Variants in OCA2 observed in about 807,000 individuals in gnomAD.
OCA2 encodes P protein.
Under a neutral mutation model 100.2 loss-of-function variants are expected in OCA2, and 77 were observed. The ratio of observed to expected loss-of-function variants is 0.77; its 90% CI spans 0.64 to 0.93. The LOEUF (loss-of-function observed/expected upper bound fraction) is 0.93. Ranked by LOEUF, OCA2 falls within the 40% of genes least tolerant of loss-of-function variation. The pLI is 0.00. For synonymous variants in OCA2, 432 were observed against 439.2 expected (o/e 0.98, Z 0.21); for missense variants, 1,062 against 1,089.1 (o/e 0.98, Z 0.35).
intron 11 of OCA2, among the ~76,000 whole-genome samples, chr15:27,986,958 A>G (rs2041375499): frequency 6.6e-6 from 1 of 152,226 alleles, no homozygotes; most frequent in African/African-American, 2.4e-5. Context: ...TTTATAGACT[A>G]GAAAATGGGA....
intron 18 of OCA2, among the ~76,000 whole-genome samples, chr15:27,945,156 A>C (rs899920814): frequency 1.3e-5 from 2 of 152,216 alleles, no homozygotes; most frequent in African/African-American, 2.4e-5. Flanking sequence ...AACATATATT[A>C]GGAAGCCTTG....
downstream of OCA2, among the ~76,000 whole-genome samples, chr15:27,754,512 G>A (rs2030192919): frequency 6.6e-6 from 1 of 152,210 alleles, no homozygotes; most frequent in South Asian, 2.1e-4. Flanking sequence ...GCAGAGCAGA[G>A]GAGACCTCGC....
intron 23 of OCA2, among the ~76,000 whole-genome samples, chr15:27,771,760 T>C (rs1294375977): frequency 6.6e-6 from 1 of 152,238 alleles, no homozygotes; most frequent in Non-Finnish European, 1.5e-5. Flanking sequence ...GTATTCCCTT[T>C]TTAAATACTT....
chr15:28,087,888 C>A (rs1309780138), intron 1 of OCA2, among the ~76,000 whole-genome samples: 1 of 152,064 alleles, frequency 6.6e-6, no homozygotes, highest in Non-Finnish European at 1.5e-5. Context: ...ATAGTGAAAC[C>A]CCATCTCTAT....
At chr15:27,881,322 T>C (rs2037005243) in intron 19 of OCA2, among the ~76,000 whole-genome samples, 1 of 126,974 alleles carries the variant, frequency 7.9e-6, no homozygotes, top group Admixed American at 7.0e-5. Context: ...TGAAGTTTTC[T>C]TTTTTTGTTG....
chr15:28,022,649 C>A (rs1160046693), intron 5 of OCA2, 76 bp from the exon 6 acceptor site: 8 of 1,099,382 alleles, frequency 7.3e-6, no homozygotes, highest in Admixed American at 1.7e-5. Flanking sequence ...TGATAACAGT[C>A]GAAAACAGAT....
At chr15:27,836,075 C>T (rs969778402) in intron 23 of OCA2, among the ~76,000 whole-genome samples, 2 of 152,196 alleles carry the variant, frequency 1.3e-5, no homozygotes, top group Admixed American at 6.5e-5. Flanking sequence ...GAGCCTCAGA[C>T]AGCCCTGCGA....
At chr15:27,723,929 A>C in the OCA2 span, among the ~76,000 whole-genome samples, 1 of 152,186 alleles carries the variant, frequency 6.6e-6, no homozygotes, top group South Asian at 2.1e-4. Context: ...TCCTCCTCAC[A>C]ATGCCTCCTC....
intron 23 of OCA2, among the ~76,000 whole-genome samples, chr15:27,786,630 A>G (rs1478033234): frequency 6.6e-6 from 1 of 152,096 alleles, no homozygotes; most frequent in African/African-American, 2.4e-5. Context: ...AATTTTGTAT[A>G]TTGATCTTGT....
At chr15:27,734,543 G>A in the OCA2 span, among the ~76,000 whole-genome samples, 146 of 152,294 alleles carry the variant, frequency 9.6e-4, no homozygotes, top group African/African-American at 3.5e-3. Flanking sequence ...GATCCCCATG[G>A]ACCCAGACTC....
At chr15:28,082,879 CTAAAG>C (rs2044695725) in intron 1 of OCA2, among the ~76,000 whole-genome samples, 1 of 152,208 alleles carries the variant, frequency 6.6e-6, no homozygotes, top group Non-Finnish European at 1.5e-5. Context: ...TCCTATACCT[CTAAAG>C]TAATGCTGTC....
intron 14 of OCA2, among the ~76,000 whole-genome samples, chr15:27,967,832 G>T (rs2040625076): frequency 6.6e-6 from 1 of 152,244 alleles, no homozygotes; most frequent in African/African-American, 2.4e-5. Context: ...GTCATTGGTT[G>T]GTTCTGTTCT....
At chr15:27,916,261 G>A (rs1367652960) in intron 19 of OCA2, among the ~76,000 whole-genome samples, 2 of 152,074 alleles carry the variant, frequency 1.3e-5, no homozygotes, top group Non-Finnish European at 2.9e-5. Flanking sequence ...TATTACCTGA[G>A]TGATGAAATA....
chr15:27,938,228 G>A (rs376272514), intron 18 of OCA2, among the ~76,000 whole-genome samples: 69 of 152,162 alleles, frequency 4.5e-4, no homozygotes, highest in African/African-American at 1.5e-3. Flanking sequence ...AAATGGGCAC[G>A]TTGGGGAGGG....
At chr15:27,870,554 G>A (rs1222151381) in intron 21 of OCA2, among the ~76,000 whole-genome samples, 1 of 152,150 alleles carries the variant, frequency 6.6e-6, no homozygotes, top group Non-Finnish European at 1.5e-5. Flanking sequence ...GAGAATGAAA[G>A]ATCTTGCCCA....
At chr15:28,009,717 CACACACACACAA>C (rs925411641) in intron 9 of OCA2, among the ~76,000 whole-genome samples, 1 of 151,452 alleles carries the variant, frequency 6.6e-6, no homozygotes, top group African/African-American at 2.4e-5. Flanking sequence ...CACACACACA[CACACACACACAA>C]AGTCAACAAA....
At chr15:27,795,422 G>A (rs2033286724) in intron 23 of OCA2, among the ~76,000 whole-genome samples, 1 of 151,276 alleles carries the variant, frequency 6.6e-6, no homozygotes, top group South Asian at 2.1e-4. Context: ...CACCGCTGTT[G>A]ACCCAGTTTC....
intron 17 of OCA2, among the ~76,000 whole-genome samples, chr15:27,954,138 CACACACACACACACACACACA>C (rs2040134909): frequency 2.0e-5 from 3 of 146,960 alleles, no homozygotes; most frequent in Non-Finnish European, 3.0e-5. Context: ...CACACACACA[CACACACACACACACACACACA>C]CCTAGGGTCA....
chr15:28,049,222 A>C (rs1216676959), intron 2 of OCA2, among the ~76,000 whole-genome samples: 1 of 152,244 alleles, frequency 6.6e-6, no homozygotes, highest in Non-Finnish European at 1.5e-5. Flanking sequence ...AGCACATAAA[A>C]AGATGCTCAA....
Sources: allele counts gnomAD v4.1 joint callset (sites outside exome capture counted in the v4.1 genomes callset), GRCh38; gene constraint gnomAD v4.1.1; transcripts MANE v1.5; gene names NCBI Gene and HGNC (gene_info 2026-07-23, HGNC 2026-07-21).